Variants in ADAM12 observed in about 807,000 individuals in gnomAD.
ADAM12 encodes the protein disintegrin and metalloproteinase domain-containing protein 12.
A neutral mutation model predicts 106.4 loss-of-function variants in ADAM12; 70 were observed. The ratio of observed to expected loss-of-function variants is 0.66; its 90% CI spans 0.54 to 0.80. ADAM12 has a LOEUF of 0.80. Among genes scored for constraint, ADAM12 ranks in the 30% least tolerant of loss-of-function variants. The pLI is 0.00. For missense variants in ADAM12, 1,010 were observed against 1,171.9 expected, an observed-to-expected ratio of 0.86 and a Z score of 2.02; for synonymous variants, 420 against 433.5, an observed-to-expected ratio of 0.97 and a Z score of 0.39.
At chr10:126,079,388 G>A (rs905607878) in intron 11 of ADAM12, among the ~76,000 whole-genome samples, 1 of 151,564 alleles carries the variant, frequency 6.6e-6, no homozygotes, top group Non-Finnish European at 1.5e-5. Context: ...TCTACAGATC[G>A]CCTGTTCTGT....
intron 2 of ADAM12, among the ~76,000 whole-genome samples, chr10:126,316,428 G>C (rs1359451515): frequency 6.6e-6 from 1 of 152,066 alleles, no homozygotes; most frequent in Non-Finnish European, 1.5e-5. Flanking sequence ...TCCTAGGCAG[G>C]GCCTCCGCCC....
chr10:126,212,425 C>T (rs1048941811), intron 3 of ADAM12, among the ~76,000 whole-genome samples: 1 of 152,218 alleles, frequency 6.6e-6, no homozygotes, highest in African/African-American at 2.4e-5. Context: ...TATCCTGCCC[C>T]TCAGCTTTGT....
Position 126,055,389 on chromosome 10 carries a change from TAACA to T in ADAM12, c.1610-5724_1610-5721del, listed in dbSNP as rs145952671. Among the ~76,000 whole-genome samples the T allele has an allele frequency of 2.2e-3, 330 of 152,330 alleles. 16 individuals carry two copies. In the East Asian group the frequency reaches 0.053, roughly 25 times the overall value. On this transcript the variant is annotated intron_variant, in intron 14 of 22. Transcript: ENST00000448723. ...TTCCTGTCATTACTCTCCTTGCTCT[TAACA>T]AACACACACACTTTAAATGAACGAT...
At chr10:126,078,894 C>A (rs1955155322) in intron 11 of ADAM12, among the ~76,000 whole-genome samples, 1 of 152,090 alleles carries the variant, frequency 6.6e-6, no homozygotes, top group South Asian at 2.1e-4. Flanking sequence ...CAGTTCAGCA[C>A]TGGATGACCA....
chr10:126,125,428 A>G (rs1956189270), intron 5 of ADAM12, among the ~76,000 whole-genome samples: 1 of 151,732 alleles, frequency 6.6e-6, no homozygotes, highest in Non-Finnish European at 1.5e-5. Flanking sequence ...TATTTTTAGT[A>G]GAGATGGGGT....
At chr10:126,071,715 C>T in intron 11 of ADAM12, 61 bp from the exon 12 acceptor site, 2 of 1,583,078 alleles carry the variant, frequency 1.3e-6, no homozygotes, top group African/African-American at 1.3e-5. Context: ...GTCTGCCCTT[C>T]TTGTGCCCAC....
At chr10:126,224,595 C>T (rs543973033) in intron 3 of ADAM12, among the ~76,000 whole-genome samples, 10 of 152,304 alleles carry the variant, frequency 6.6e-5, no homozygotes, top group South Asian at 4.1e-4. Flanking sequence ...GCCCTTGTCA[C>T]GAAGGGAGGT....
At chr10:126,034,062 G>A (rs980876450) in intron 21 of ADAM12, among the ~76,000 whole-genome samples, 4 of 152,164 alleles carry the variant, frequency 2.6e-5, no homozygotes, top group African/African-American at 9.7e-5. Flanking sequence ...TACACATAAA[G>A]GTAGTATTTA....
chr10:126,155,775 T>C (rs1437150445), intron 3 of ADAM12, among the ~76,000 whole-genome samples: 2 of 152,198 alleles, frequency 1.3e-5, no homozygotes, highest in African/African-American at 4.8e-5. Context: ...GTGCCCCTGC[T>C]GGCTCCCCCG....
chr10:126,041,548 T>C, intron 18 of ADAM12: 5 of 985,948 alleles, frequency 5.1e-6, no homozygotes, highest in African/African-American at 3.5e-5. Flanking sequence ...CCGCCCTTTC[T>C]CCTACCTTCT....
In ADAM12 at chr10:126,036,282, C is replaced by CTGA; in HGVS notation, c.2390_2392dup (p.Ile797dup). On this transcript the variant is annotated inframe_insertion, in exon 21 of 23. Transcript: ENST00000448723. The stretch of plus-strand genomic sequence containing the variant: ...GACATTCAGGCCGTTGAGGGGTCTG[C>CTGA]TGATGTCAACATTCTGACACTGCAG... The CTGA allele has an allele frequency of 6.4e-7, 1 of 1,561,610 alleles. No homozygotes were observed.
intron 2 of ADAM12, among the ~76,000 whole-genome samples, chr10:126,299,424 C>A (rs1444629287): frequency 1.3e-5 from 2 of 152,138 alleles, no homozygotes; most frequent in Admixed American, 1.3e-4. Context: ...GAGATGAAGA[C>A]ACTCATTTTA....
chr10:126,012,992 T>C lies in ADAM12; in HGVS notation c.*4287A>G, dbSNP rs903284971. ...GAACAGAGAAACTGCTTTTTGAAGA[T>C]GATGTGGAAGGTCAGGGTGGGTTAC... On this transcript the variant is annotated 3_prime_UTR_variant, in exon 23 of 23. Transcript: ENST00000448723. 6.6e-6 allele frequency: 1 copy of C among 152,202 alleles called. No individual in the cohort carries two copies. The highest frequency in any genetic ancestry group is 2.1e-4 in the South Asian group (1 of 4,832). The allele number at this position is 152,202 out of a possible 1,614,324, so 9.4% of individuals were successfully genotyped here. A position where few individuals can be genotyped will look rare whatever the true frequency, so the allele number is the denominator to read the frequency against.
chr10:126,103,987 A>G (rs905417906), intron 8 of ADAM12, among the ~76,000 whole-genome samples: 9 of 152,232 alleles, frequency 5.9e-5, no homozygotes, highest in Non-Finnish European at 1.3e-4. Context: ...TGAACTGCCA[A>G]GCAGTGGTGC....
At position 126,146,502 on chromosome 10, in the gene ADAM12, A is replaced by G. The variant is rs890583492; in HGVS notation, c.339+8725T>C. On this transcript the variant is annotated intron_variant, in intron 4 of 22. Transcript: ENST00000448723. ...CTGCCTTTTTCATGGTCCAGGACACATATCCCTCCCGTGCACATGACTCAC... is the reference window on the plus strand; with the variant it reads ...CTGCCTTTTTCATGGTCCAGGACACGTATCCCTCCCGTGCACATGACTCAC... 5.9e-5 allele frequency among the ~76,000 whole-genome samples: 9 copies of G among 152,292 alleles called. No individual in the cohort carries two copies. In the South Asian group the frequency reaches 1.7e-3, roughly 28 times the overall value.
intron 3 of ADAM12, among the ~76,000 whole-genome samples, chr10:126,196,516 A>G (rs543010830): frequency 1.3e-5 from 2 of 152,324 alleles, no homozygotes; most frequent in East Asian, 3.9e-4. Flanking sequence ...TTATTTGTCT[A>G]CATTTGATTG....
chr10:126,106,119 T>C (rs74821649), intron 8 of ADAM12, among the ~76,000 whole-genome samples: 10,492 of 152,074 alleles, frequency 0.069, 433 homozygotes, highest in South Asian at 0.15. Context: ...AAACTGGCGG[T>C]CATGTGGTCT....
chr10:126,143,347 A>T (rs1956557051), intron 4 of ADAM12, among the ~76,000 whole-genome samples: 1 of 144,492 alleles, frequency 6.9e-6, no homozygotes, highest in South Asian at 2.2e-4. Flanking sequence ...ATATGTGTGC[A>T]TGTGTGTATA....
At chr10:126,276,266 T>C (rs565066024) in intron 3 of ADAM12, among the ~76,000 whole-genome samples, 34 of 152,324 alleles carry the variant, frequency 2.2e-4, no homozygotes, top group Admixed American at 6.5e-5. Context: ...TACTCATTGT[T>C]AAACATGTAA....
Sources: allele counts gnomAD v4.1 joint callset (sites outside exome capture counted in the v4.1 genomes callset), GRCh38; gene constraint gnomAD v4.1.1; transcripts MANE v1.5; gene names NCBI Gene and HGNC (gene_info 2026-07-23, HGNC 2026-07-21).